AHCTF1: variants seen among roughly 807,000 people sequenced by gnomAD.
AHCTF1 encodes AT-hook containing transcription factor 1, also known as protein ELYS.
In AHCTF1, 24 loss-of-function variants were observed where a neutral mutation model predicts 248.4. The ratio of observed to expected loss-of-function variants is 0.10; its 90% CI spans 0.07 to 0.14. The LOEUF is 0.14. Among genes scored for constraint, AHCTF1 ranks in the 10% least tolerant of loss-of-function variants. The probability of loss-of-function intolerance (pLI) is 1.00; values close to 1 mark genes in which losing one functional copy is unlikely to be tolerated. For missense variants in AHCTF1, 2,206 were observed against 2,636.2 expected, an observed-to-expected ratio of 0.84 and a Z score of 3.57; for synonymous variants, 786 against 929.8, an observed-to-expected ratio of 0.85 and a Z score of 2.81.
intron 26 of AHCTF1, among the ~76,000 whole-genome samples, chr1:246,864,846 CAAAAAAAAAAAAAAAAAAAAAAAAAAAA>C (rs139015537): frequency 0.016 from 36 of 2,258 alleles, 13 homozygotes; most frequent in East Asian, 0.077. Context: ...GACTCCGTCT[CAAAAAAAAAAAAAAAAAAAAAAAAAAAA>C]AAAAAAAAAA....
At chr1:246,857,181 T>C (rs970816666) in intron 30 of AHCTF1, among the ~76,000 whole-genome samples, 1 of 152,234 alleles carries the variant, frequency 6.6e-6, no homozygotes. Context: ...ACTGACACTC[T>C]CACCAATCTG....
chr1:246,883,072 T>G (rs1003424522), intron 21 of AHCTF1, among the ~76,000 whole-genome samples: 1 of 152,204 alleles, frequency 6.6e-6, no homozygotes, highest in African/African-American at 2.4e-5. Context: ...ATAAACAATA[T>G]CACTAACATA....
intron 1 of AHCTF1, among the ~76,000 whole-genome samples, chr1:246,920,625 C>A (rs1205232296): frequency 2.0e-5 from 3 of 151,864 alleles, no homozygotes; most frequent in Admixed American, 2.0e-4. Context: ...AAAAAATTAG[C>A]CGAGCGTGGT....
At position 246,913,299 on chromosome 1, in the gene AHCTF1, T is replaced by C. The variant is rs535733833; in HGVS notation, c.489A>G (p.Gly163=). The change falls in exon 4 of 36, where the codon GGA becomes GGG. Residue 163 remains glycine (G), a synonymous_variant. Transcript: ENST00000648844. ...FGVAAVVTDV[G]QILLVDLCLD... is the part of the protein sequence containing the mutation. The stretch of plus-strand genomic sequence containing the variant: ...AACATAGGTCAACAAGAAGGATCTG[T>C]CCAACATCAGTGACCACAGCTGCCA... 3.7e-6 allele frequency: 6 copies of C among 1,613,916 alleles called. 1 individual carries two copies. In the South Asian group the frequency reaches 5.5e-5, roughly 15 times the overall value.
At chr1:246,852,971 A>G in intron 32 of AHCTF1, 120 bp downstream of exon 32, 3 of 693,100 alleles carry the variant, frequency 4.3e-6, no homozygotes, top group Non-Finnish European at 7.1e-6. Flanking sequence ...ATATTTTTAT[A>G]AATAAGTTTT....
chr1:246,912,841 T>C (rs1665902829), intron 4 of AHCTF1, among the ~76,000 whole-genome samples: 1 of 149,674 alleles, frequency 6.7e-6, no homozygotes, highest in African/African-American at 2.6e-5. Context: ...AAGAACACTA[T>C]GTTAGATCCT....
intron 4 of AHCTF1, 26 bp from the exon 5 acceptor site, chr1:246,907,784 A>C (rs373456600): frequency 1.9e-6 from 3 of 1,590,660 alleles, no homozygotes; most frequent in Non-Finnish European, 2.6e-6. Flanking sequence ...AGACAAATGA[A>C]GTTAAAAAAC....
At chr1:246,885,869 G>A (rs1479432751) in intron 20 of AHCTF1, among the ~76,000 whole-genome samples, 189 bp from the exon 21 acceptor site, 1 of 152,142 alleles carries the variant, frequency 6.6e-6, no homozygotes, top group Non-Finnish European at 1.5e-5. Flanking sequence ...TCTGCAGACT[G>A]AACTAAGTGC....
In AHCTF1 at chr1:246,888,421, T is replaced by A; in HGVS notation, c.2241A>T (p.Thr747=). ...EKLWKRDEGG[T]GKYPPASLHA... is the part of the protein sequence containing the mutation. ...GCAGACTAGCAGGAGGATATTTTCC[T>A]GTGCCTCCTTCATCTCGTTTCCACA... The change falls in exon 18 of 36, where the codon ACA becomes ACT. Residue 747 remains threonine, a synonymous_variant. Transcript: ENST00000648844. 1 of 1,612,916 alleles carries A rather than the reference T, an allele frequency of 6.2e-7. No homozygotes were observed. The highest frequency in any genetic ancestry group is 8.5e-7 in the Non-Finnish European group (1 of 1,180,004).
chr1:246,869,107 G>C (rs1200573238), intron 24 of AHCTF1, among the ~76,000 whole-genome samples: 3 of 151,012 alleles, frequency 2.0e-5, no homozygotes, highest in Non-Finnish European at 4.4e-5. Flanking sequence ...GCCTCCCAAA[G>C]TGCTGGATTA....
chr1:246,850,061 G>A lies in AHCTF1; in HGVS notation c.5945C>T (p.Pro1982Leu), dbSNP rs1660585905. The A allele has an allele frequency of 5.0e-6, 8 of 1,613,852 alleles. No homozygotes were observed. In the East Asian group the frequency reaches 1.8e-4, roughly 36 times the overall value. ...RKRGRPRKIN[P>L]SEDVGSKAVK... Reference sequence around the variant, plus strand: ...AGCCTTAGATCCTACATCTTCAGATGGATTGATTTTTCTTGGTCTACCACG... The same window carrying A: ...AGCCTTAGATCCTACATCTTCAGATAGATTGATTTTTCTTGGTCTACCACG... Residue 1982 changes from proline (P) to leucine (L), a missense_variant, in exon 33 of 36, where the codon CCA (proline) becomes CTA (leucine). Physicochemically the swap from Pro to Leu is moderately conservative, Grantham distance 98. This residue lies in a region of AHCTF1 where 469 missense variants were observed against 470.0 expected (regional missense o/e 1.00). Coordinates refer to ENST00000648844, the MANE Select transcript of AHCTF1 (RefSeq NM_001323342.2).
At chr1:246,862,217 A>C in intron 27 of AHCTF1, 64 bp from the exon 28 acceptor site, 468 of 1,311,788 alleles carry the variant, frequency 3.6e-4, no homozygotes, top group Non-Finnish European at 4.4e-4. Context: ...GCGGTGGCTC[A>C]CGCCTGTAAT....
intron 21 of AHCTF1, among the ~76,000 whole-genome samples, chr1:246,883,526 CT>C (rs1488293778): frequency 4.6e-5 from 7 of 152,166 alleles, no homozygotes; most frequent in Non-Finnish European, 8.8e-5. Flanking sequence ...ACATGGCTGC[CT>C]TTTGCAAAAT....
In AHCTF1 at chr1:246,853,141, C is replaced by T. The variant is rs1660838542; in HGVS notation, c.4513G>A (p.Glu1505Lys). ...GVLKESVDLPEEKLPISDSPP... is the reference protein window; with the variant it reads ...GVLKESVDLPKEKLPISDSPP... The stretch of plus-strand genomic sequence containing the variant: ...CTGTCAGAAATTGGAAGCTTTTCTT[C>T]TGGTAAGTCAACACTTTCTTTTAGT... Residue 1505 changes from glutamate to lysine, a missense_variant, in exon 32 of 36, where the codon GAA becomes AAA. Glu to Lys is a moderately conservative substitution (Grantham distance 56, BLOSUM62 1). Coordinates refer to ENST00000648844, the MANE Select transcript of AHCTF1 (RefSeq NM_001323342.2). The T allele has an allele frequency of 1.2e-6, 2 of 1,611,212 alleles. No homozygotes were observed. Among genetic ancestry groups the T allele is most frequent in the East Asian group, 2.2e-5 (1 of 44,862 alleles).
chr1:246,896,061 G>C (rs1664552011), intron 12 of AHCTF1, 136 bp from the exon 13 acceptor site: 2 of 611,122 alleles, frequency 3.3e-6, no homozygotes, highest in Non-Finnish European at 2.9e-6. Flanking sequence ...ATAATCAAAA[G>C]ACAATAACAA....
intron 1 of AHCTF1, among the ~76,000 whole-genome samples, chr1:246,928,996 T>A (rs139374451): frequency 6.6e-6 from 1 of 152,130 alleles, no homozygotes; most frequent in Non-Finnish European, 1.5e-5. Context: ...GAGTTTACAA[T>A]CTAGAAAAGG....
intron 1 of AHCTF1, among the ~76,000 whole-genome samples, chr1:246,926,419 ATCATGGTGCCTAGCACAAAGGAGTT>A (rs2103255714): frequency 6.6e-6 from 1 of 152,310 alleles, no homozygotes; most frequent in Non-Finnish European, 1.5e-5. Context: ...TCCAGACTTC[ATCATGGTGCCTAGCACAAAGGAGTT>A]CAAAAAAATG....
rs1209932135 is a variant in AHCTF1, at chr1:246,905,436, G to T, written c.881+105C>A. On this transcript the variant is annotated intron_variant, in intron 6 of 35. Coordinates refer to ENST00000648844, the MANE Select transcript of AHCTF1 (RefSeq NM_001323342.2). Reference sequence around the variant, plus strand: ...GGCATGAATCCGGGAGGCGGAGGTTGCAGTGAGCCGAAATCACGCCACTGC... The same window carrying T: ...GGCATGAATCCGGGAGGCGGAGGTTTCAGTGAGCCGAAATCACGCCACTGC... The T allele has an allele frequency of 6.1e-6, 5 of 813,628 alleles. No individual in the cohort carries two copies. In the East Asian group the frequency reaches 1.3e-4, roughly 21 times the overall value. 50.4% of individuals were successfully genotyped at this position (813,628 alleles called of 1,614,324 possible). A position where few individuals can be genotyped will look rare whatever the true frequency, so the allele number is the denominator to read the frequency against.
Position 246,850,214 on chromosome 1 carries a change from C to G in AHCTF1, c.5792G>C (p.Arg1931Pro). The G allele has an allele frequency of 6.2e-7, 1 of 1,613,900 alleles. No individual in the cohort carries two copies. The highest frequency in any genetic ancestry group is 1.7e-5 in the Admixed American group (1 of 59,998). ...TCTGACCCTTCTAACATGTTTAATA[C>G]GCAGCTGCTTGTCACTGGATTTATC... ...QDDKSSDKQL[R>P]IKHVRRVRGR... Residue 1931 changes from arginine (R) to proline (P), a missense_variant, in exon 33 of 36, where the codon CGT (arginine) becomes CCT (proline). This residue lies in a region of AHCTF1 where 469 missense variants were observed against 470.0 expected (regional missense o/e 1.00). Transcript: ENST00000648844.
Sources: allele counts gnomAD v4.1 joint callset (sites outside exome capture counted in the v4.1 genomes callset), GRCh38; gene constraint gnomAD v4.1.1; regional missense constraint gnomAD v4.1.1; transcripts MANE v1.5; gene names NCBI Gene and HGNC (gene_info 2026-07-23, HGNC 2026-07-21).